Variants in SNTG2 observed in about 807,000 individuals in gnomAD.
SNTG2 encodes the protein syntrophin gamma 2.
In SNTG2, 74 loss-of-function variants were observed where a neutral mutation model predicts 70.9. That is an observed-to-expected ratio of 1.04 (90% confidence interval 0.86 to 1.27). SNTG2 has a LOEUF of 1.27. SNTG2 is among the 50% of genes most tolerant of loss of function. The pLI is 0.00. For missense variants in SNTG2, 717 were observed against 690.7 expected (o/e 1.04, Z -0.43); for synonymous variants, 278 against 273.8 (o/e 1.02, Z -0.15).
chr2:1,176,582 T>C (rs1206404469), intron 8 of SNTG2, among the ~76,000 whole-genome samples: 1 of 152,084 alleles, frequency 6.6e-6, no homozygotes, highest in Non-Finnish European at 1.5e-5. Flanking sequence ...GGAGACAATT[T>C]TTGCAATCTA....
At chr2:1,144,632 G>A (rs1321432360) in intron 6 of SNTG2, among the ~76,000 whole-genome samples, 3 of 152,164 alleles carry the variant, frequency 2.0e-5, no homozygotes. Context: ...AAGGCGAAAG[G>A]CACATCTTAC....
At chr2:1,085,571 G>A (rs774693259) in intron 2 of SNTG2, among the ~76,000 whole-genome samples, 2 of 152,234 alleles carry the variant, frequency 1.3e-5, no homozygotes, top group Non-Finnish European at 2.9e-5. Context: ...CACATTATCC[G>A]TTAATGATAG....
At chr2:1,007,058 AATGTGT>A (rs1659595357) in intron 1 of SNTG2, among the ~76,000 whole-genome samples, 1 of 70,246 alleles carries the variant, frequency 1.4e-5, no homozygotes, top group African/African-American at 4.7e-5. Flanking sequence ...TAAATAAATA[AATGTGT>A]ATATATATAT....
chr2:978,754 GA>G (rs1377548561), intron 1 of SNTG2, among the ~76,000 whole-genome samples: 1 of 152,196 alleles, frequency 6.6e-6, no homozygotes, highest in Non-Finnish European at 1.5e-5. Context: ...AAGGAGTTCT[GA>G]AATTCTGAGT....
chr2:1,348,615 C>T (rs1406805719), intron 16 of SNTG2, among the ~76,000 whole-genome samples: 3 of 152,190 alleles, frequency 2.0e-5, no homozygotes, highest in Non-Finnish European at 4.4e-5. Flanking sequence ...CTGAACCAAA[C>T]CAATGTATTT....
At chr2:988,078 G>A (rs1258446991) in intron 1 of SNTG2, among the ~76,000 whole-genome samples, 3 of 152,324 alleles carry the variant, frequency 2.0e-5, no homozygotes, top group East Asian at 1.9e-4. Context: ...TTGGCAGGAC[G>A]CAGTCACATA....
chr2:1,156,850 T>C (rs1405994873), intron 6 of SNTG2, among the ~76,000 whole-genome samples: 2 of 152,010 alleles, frequency 1.3e-5, no homozygotes, highest in Non-Finnish European at 2.9e-5. Flanking sequence ...AGAATAAAGA[T>C]TCCAGCGCAG....
intron 1 of SNTG2, among the ~76,000 whole-genome samples, chr2:979,416 A>G (rs1259956139): frequency 6.6e-6 from 1 of 152,182 alleles, no homozygotes; most frequent in Admixed American, 6.5e-5. Flanking sequence ...GCATCCCCGG[A>G]AGGCAGGGTG....
intron 6 of SNTG2, among the ~76,000 whole-genome samples, chr2:1,159,643 A>G (rs1189333954): frequency 6.6e-6 from 1 of 152,190 alleles, no homozygotes; most frequent in Non-Finnish European, 1.5e-5. Flanking sequence ...GCAAAGGAAA[A>G]AGAGCCATGT....
At chr2:1,313,117 C>A (rs753954874) in intron 15 of SNTG2, among the ~76,000 whole-genome samples, 5 of 152,112 alleles carry the variant, frequency 3.3e-5, no homozygotes, top group Non-Finnish European at 7.3e-5. Context: ...GGAAGTATTA[C>A]CTTCCATTGT....
At chr2:1,230,039 T>G (rs1297508462) in intron 9 of SNTG2, among the ~76,000 whole-genome samples, 2 of 152,038 alleles carry the variant, frequency 1.3e-5, no homozygotes, top group Non-Finnish European at 2.9e-5. Flanking sequence ...AGAGAGGGGC[T>G]CCCACAGTGC....
In SNTG2 at chr2:1,211,065, A is replaced by G. The variant is rs1674007897; in HGVS notation, c.719+1835A>G. Among the ~76,000 whole-genome samples, 4 of 152,254 alleles carry G rather than the reference A, an allele frequency of 2.6e-5. No homozygotes were observed. The South Asian group carries it at 8.3e-4, about 32-fold the overall frequency. The stretch of plus-strand genomic sequence containing the variant: ...CAGTCATAGAGGGGCTGAAATATAG[A>G]TAGATTACAGAGATACAGATAGATG... On this transcript the variant is annotated intron_variant, in intron 9 of 16. Transcript: ENST00000308624.
At chr2:992,132 A>G (rs1661518231) in intron 1 of SNTG2, among the ~76,000 whole-genome samples, 1 of 152,226 alleles carries the variant, frequency 6.6e-6, no homozygotes, top group South Asian at 2.1e-4. Flanking sequence ...TGAAGGAAAC[A>G]TATTTTATAT....
chr2:978,298 G>A (rs977228417), intron 1 of SNTG2, among the ~76,000 whole-genome samples: 2 of 152,160 alleles, frequency 1.3e-5, no homozygotes, highest in African/African-American at 4.8e-5. Context: ...AAATAGTGGA[G>A]AAAAGTACAT....
chr2:1,084,029 A>C (rs955088379), intron 2 of SNTG2, among the ~76,000 whole-genome samples: 1 of 151,878 alleles, frequency 6.6e-6, no homozygotes, highest in Non-Finnish European at 1.5e-5. Flanking sequence ...CAATAGAGCG[A>C]GGCTCCATCT....
chr2:1,042,172 G>A (rs1178349285), intron 1 of SNTG2, among the ~76,000 whole-genome samples: 2 of 152,110 alleles, frequency 1.3e-5, no homozygotes, highest in Non-Finnish European at 2.9e-5. Context: ...TTTTAAAATG[G>A]TGGATTAGCT....
intron 9 of SNTG2, among the ~76,000 whole-genome samples, chr2:1,224,961 TAGGC>T (rs1181833281): frequency 6.6e-6 from 1 of 152,128 alleles, no homozygotes. Flanking sequence ...AATGCAGTGT[TAGGC>T]AGGAAAACAT....
At chr2:1,261,987 C>G (rs577456088) in intron 13 of SNTG2, among the ~76,000 whole-genome samples, 37 of 152,306 alleles carry the variant, frequency 2.4e-4, no homozygotes, top group African/African-American at 8.4e-4. Flanking sequence ...GTTAAGAGTT[C>G]TAGAACGTGT....
intron 9 of SNTG2, among the ~76,000 whole-genome samples, chr2:1,216,848 C>T (rs989896542): frequency 6.6e-6 from 1 of 152,146 alleles, no homozygotes; most frequent in Non-Finnish European, 1.5e-5. Context: ...GTAGTTCCCC[C>T]ATGTTGTTCT....
Sources: allele counts gnomAD v4.1 joint callset (sites outside exome capture counted in the v4.1 genomes callset), GRCh38; gene constraint gnomAD v4.1.1; transcripts MANE v1.5; gene names NCBI Gene and HGNC (gene_info 2026-07-23, HGNC 2026-07-21).